RALYL: variants seen among roughly 807,000 people sequenced by gnomAD.
RALYL encodes the protein RALY RNA binding protein like.
RALYL carries 29 observed loss-of-function variants against 35.1 expected under a neutral mutation model. The observed-to-expected ratio is 0.83, with a 90% confidence interval of 0.61 to 1.13. The LOEUF is 1.13. Among genes scored for constraint, RALYL ranks in the 50% most tolerant of loss-of-function variants. The pLI, the probability that RALYL is intolerant of heterozygous loss-of-function variation, is 0.00. For missense variants in RALYL, 359 were observed against 360.4 expected (o/e 1.00, Z 0.03); for synonymous variants, 120 against 127.6 (o/e 0.94, Z 0.40).
At chr8:84,754,094 G>T (rs1810761390) in intron 2 of RALYL, among the ~76,000 whole-genome samples, 2 of 151,960 alleles carry the variant, frequency 1.3e-5, no homozygotes, top group African/African-American at 2.4e-5. Flanking sequence ...TAGGTTGCCT[G>T]TTCACTCTGA....
intron 8 of RALYL, among the ~76,000 whole-genome samples, chr8:84,897,476 C>A (rs564391876): frequency 8.5e-4 from 130 of 152,252 alleles, no homozygotes; most frequent in Non-Finnish European, 1.6e-3. Context: ...TAGCTCTCAG[C>A]ACATTCAATT....
At chr8:84,717,355 CAT>C (rs1330056858) in intron 2 of RALYL, among the ~76,000 whole-genome samples, 1 of 152,132 alleles carries the variant, frequency 6.6e-6, no homozygotes, top group Non-Finnish European at 1.5e-5. Flanking sequence ...AGCCATCTAA[CAT>C]AGTCATTTGT....
intron 2 of RALYL, among the ~76,000 whole-genome samples, chr8:84,687,678 C>T (rs1328056813): frequency 1.3e-5 from 2 of 152,102 alleles, no homozygotes; most frequent in Non-Finnish European, 2.9e-5. Context: ...TTGTAGTACA[C>T]TGAATTTTTT....
intron 2 of RALYL, among the ~76,000 whole-genome samples, chr8:84,625,529 C>T (rs187158802): frequency 5.2e-4 from 79 of 152,250 alleles, no homozygotes; most frequent in African/African-American, 1.5e-3. Flanking sequence ...GCTTTAAATT[C>T]TGATTAGCAT....
chr8:84,682,653 G>A (rs979889739), intron 2 of RALYL, among the ~76,000 whole-genome samples: 1 of 152,052 alleles, frequency 6.6e-6, no homozygotes, highest in South Asian at 2.1e-4. Context: ...ATTCTCTGAT[G>A]GTATTTTGTA....
intron 2 of RALYL, among the ~76,000 whole-genome samples, chr8:84,735,445 CCA>C (rs1847077577): frequency 6.6e-6 from 1 of 152,012 alleles, no homozygotes; most frequent in African/African-American, 2.4e-5. Flanking sequence ...GCTTCAGAAA[CCA>C]CAGAGAGCCA....
rs531238549 is a variant in RALYL at position 84,642,130 on chromosome 8, C to T, written c.256+112553C>T. Reference sequence around the variant, plus strand: ...TATATTACATAAATACATCTAATCGCATGTATACATGTGTGCACAAAGATC... The same window carrying T: ...TATATTACATAAATACATCTAATCGTATGTATACATGTGTGCACAAAGATC... On this transcript the variant is annotated intron_variant, in intron 2 of 8. Coordinates refer to ENST00000521268, the MANE Select transcript of RALYL (RefSeq NM_173848.7). Among the ~76,000 whole-genome samples the T allele has an allele frequency of 3.4e-4, 51 of 152,026 alleles. 1 individual carries two copies. The South Asian group carries it at 0.01, about 31-fold the overall frequency.
At chr8:84,558,926 T>C (rs2061309501) in intron 2 of RALYL, among the ~76,000 whole-genome samples, 1 of 152,086 alleles carries the variant, frequency 6.6e-6, no homozygotes, top group Non-Finnish European at 1.5e-5. Context: ...ACCGAGTCTG[T>C]GAAGGAACAC....
chr8:84,441,964 C>T (rs2048376197), intron 1 of RALYL, among the ~76,000 whole-genome samples: 1 of 151,884 alleles, frequency 6.6e-6, no homozygotes, highest in African/African-American at 2.4e-5. Context: ...ATATTTATTC[C>T]CTTGTTCACA....
intron 2 of RALYL, among the ~76,000 whole-genome samples, chr8:84,749,840 C>A (rs1809528540): frequency 6.6e-6 from 1 of 152,284 alleles, no homozygotes; most frequent in African/African-American, 2.4e-5. Flanking sequence ...AGAAGTCCAA[C>A]ATTCATTGTA....
chr8:84,241,691 T>A (rs1354185292), intron 1 of RALYL, among the ~76,000 whole-genome samples: 1 of 148,920 alleles, frequency 6.7e-6, no homozygotes, highest in Admixed American at 6.8e-5. Context: ...GGCAGGAGAA[T>A]CACTTGAATC....
intron 1 of RALYL, among the ~76,000 whole-genome samples, chr8:84,208,868 T>G (rs570593362): frequency 6.6e-6 from 1 of 152,030 alleles, no homozygotes; most frequent in East Asian, 1.9e-4. Context: ...AAGAGACTTC[T>G]TTAACTCAGG....
At chr8:84,566,837 C>A (rs1332608802) in intron 2 of RALYL, among the ~76,000 whole-genome samples, 1 of 151,502 alleles carries the variant, frequency 6.6e-6, no homozygotes, top group African/African-American at 2.4e-5. Context: ...AAACTTGGCC[C>A]CAATTTTCCC....
intron 2 of RALYL, among the ~76,000 whole-genome samples, chr8:84,649,567 G>A (rs1828248442): frequency 6.6e-6 from 1 of 152,046 alleles, no homozygotes; most frequent in African/African-American, 2.4e-5. Context: ...TTTTTCTCGG[G>A]TTTGTCAAGG....
At chr8:84,836,533 G>A (rs1375219947) in intron 4 of RALYL, among the ~76,000 whole-genome samples, 1 of 152,122 alleles carries the variant, frequency 6.6e-6, no homozygotes, top group Non-Finnish European at 1.5e-5. Context: ...TTATTTCACT[G>A]TTTTTGAATT....
Position 84,833,167 on chromosome 8 carries a change from A to C in RALYL, c.366-16813A>C, listed in dbSNP as rs1191421792. Among the ~76,000 whole-genome samples the C allele has an allele frequency of 2.0e-5, 3 of 152,172 alleles. No homozygotes were observed. In the East Asian group the frequency reaches 5.8e-4, roughly 29 times the overall value. ...TTTTTTATATAGGGTCATTGTCTTG[A>C]GACTTTTTGCCATCCTAATTTTCTT... On this transcript the variant is annotated intron_variant, in intron 4 of 8. Coordinates refer to ENST00000521268, the MANE Select transcript of RALYL (RefSeq NM_173848.7).
At chr8:84,420,436 C>T (rs1163204037) in intron 1 of RALYL, among the ~76,000 whole-genome samples, 1 of 151,702 alleles carries the variant, frequency 6.6e-6, no homozygotes, top group Non-Finnish European at 1.5e-5. Flanking sequence ...ATTGTAGATT[C>T]TGGATATTAG....
At chr8:84,814,563 G>A (rs1563664683) in intron 4 of RALYL, among the ~76,000 whole-genome samples, 1 of 152,024 alleles carries the variant, frequency 6.6e-6, no homozygotes, top group Non-Finnish European at 1.5e-5. Flanking sequence ...GGATAAATGT[G>A]CTGTACTAAT....
intron 2 of RALYL, among the ~76,000 whole-genome samples, chr8:84,691,567 A>G (rs1838055820): frequency 1.3e-5 from 2 of 152,020 alleles, no homozygotes; most frequent in Non-Finnish European, 1.5e-5. Flanking sequence ...GCCCCATTTA[A>G]TTAAAGAAAG....
Sources: gnomAD v4.1 joint callset for allele counts (sites outside exome capture counted in the v4.1 genomes callset) on GRCh38, gnomAD v4.1.1 for gene constraint, MANE v1.5 for transcripts, NCBI Gene and HGNC (gene_info 2026-07-23, HGNC 2026-07-21) for gene names.